Variants in MREG observed in about 807,000 individuals in gnomAD.
MREG encodes the protein melanoregulin, also known as dilute suppressor protein homolog.
MREG carries 31 observed loss-of-function variants against 28.5 expected under a neutral mutation model. That is an observed-to-expected ratio of 1.09 (90% CI 0.82 to 1.47). MREG has a LOEUF of 1.47. Among genes scored for constraint, MREG ranks in the 40% most tolerant of loss-of-function variants. The pLI is 0.00. For synonymous variants in MREG, 106 were observed against 95.2 expected (o/e 1.11, Z -0.66); for missense variants, 256 against 257.4 (o/e 0.99, Z 0.04).
At chr2:216,018,163 A>C (rs1048614717), upstream of MREG, among the ~76,000 whole-genome samples, 1 of 148,018 alleles carries the variant, frequency 6.8e-6, no homozygotes. Flanking sequence ...ACTCCACCTC[A>C]AAAAAAAAAT....
Position 215,944,874 on chromosome 2 carries a change from G to C in MREG, c.634C>G (p.Pro212Ala), listed in dbSNP as rs1206753804. 3 of 1,591,128 alleles carry C rather than the reference G, an allele frequency of 1.9e-6. No individual in the cohort carries two copies. Among genetic ancestry groups the C allele is most frequent in the Non-Finnish European group, 1.7e-6 (2 of 1,161,350 alleles). ...GQKELHYLPF[P>A]SP ...CCTGAGCCTCTCCTTTAGGGACTTG[G>C]AAACGGAAGGTAGTGCAGTTCTTTC... The change falls in exon 5 of 5, where the codon CCA (proline) becomes GCA (alanine). Residue 212 changes from proline to alanine, a missense_variant. Transcript: ENST00000263268.
At chr2:215,954,614 C>G (rs1165182904) in intron 2 of MREG, among the ~76,000 whole-genome samples, 1 of 152,134 alleles carries the variant, frequency 6.6e-6, no homozygotes, top group African/African-American at 2.4e-5. Context: ...ATTCCAAAGC[C>G]CACAGACTCT....
intron 2 of MREG, among the ~76,000 whole-genome samples, chr2:215,987,737 AG>A (rs1693611330): frequency 6.6e-6 from 1 of 152,136 alleles, no homozygotes. Context: ...AAAATTTACC[AG>A]GTAGTTAATT....
intron 4 of MREG, among the ~76,000 whole-genome samples, chr2:215,945,298 G>C (rs1333448382): frequency 6.6e-6 from 1 of 152,094 alleles, no homozygotes; most frequent in Non-Finnish European, 1.5e-5. Context: ...TCAGAAAATA[G>C]ACTACACAGT....
At chr2:215,984,511 T>C (rs1693512678) in intron 2 of MREG, among the ~76,000 whole-genome samples, 1 of 98,400 alleles carries the variant, frequency 1.0e-5, no homozygotes, top group African/African-American at 4.5e-5. Flanking sequence ...GAATAAGACC[T>C]TGTCACCAAA....
chr2:215,966,720 G>A (rs1438714527), intron 2 of MREG, among the ~76,000 whole-genome samples: 2 of 151,070 alleles, frequency 1.3e-5, no homozygotes, highest in Admixed American at 6.6e-5. Context: ...TCCTGCCTCA[G>A]CCTCCCAAGT....
rs555623754 is a variant in MREG at position 215,943,590 on chromosome 2, C to T, written c.*1273G>A. On this transcript the variant is annotated 3_prime_UTR_variant, in exon 5 of 5. Coordinates refer to ENST00000263268, the MANE Select transcript of MREG (RefSeq NM_018000.3). ...GGCGCGGTGACTCACGCCTGTAATC[C>T]CAGCACTTTGGGAGGCTGGGGCAGG... is the stretch of plus-strand genomic sequence containing the variant. 9.7e-5 allele frequency: 42 copies of T among 431,598 alleles called. No individual in the cohort carries two copies. The highest frequency in any genetic ancestry group is 6.7e-4 in the African/African-American group (33 of 49,434). 26.7% of individuals were successfully genotyped at this position (431,598 alleles called of 1,614,324 possible).
intron 1 of MREG, among the ~76,000 whole-genome samples, chr2:216,006,562 G>A (rs1248095164): frequency 6.6e-6 from 1 of 152,202 alleles, no homozygotes; most frequent in Non-Finnish European, 1.5e-5. Context: ...CCACAGATGA[G>A]GTGTGCCAAT....
chr2:216,011,191 C>G lies in MREG; in HGVS notation c.95+2042G>C, dbSNP rs148578367. Among the ~76,000 whole-genome samples the G allele has an allele frequency of 1.2e-4, 18 of 151,484 alleles. 1 individual carries two copies. The East Asian group carries it at 3.3e-3, about 28-fold the overall frequency. Reference sequence around the variant, plus strand: ...ATACTTTAAAAAATTTTTAAATCAACTAAAAAAAAGTTTTCAGAACCAATC... The same window carrying G: ...ATACTTTAAAAAATTTTTAAATCAAGTAAAAAAAAGTTTTCAGAACCAATC... On this transcript the variant is annotated intron_variant, in intron 1 of 4. Transcript: ENST00000263268.
intron 2 of MREG, among the ~76,000 whole-genome samples, chr2:215,949,330 C>T (rs1461440062): frequency 6.7e-6 from 1 of 149,646 alleles, no homozygotes; most frequent in Non-Finnish European, 1.5e-5. Context: ...GAGGCTGAGG[C>T]GGGTGGATCA....
At chr2:215,951,378 GAAAC>G (rs1241796003) in intron 2 of MREG, among the ~76,000 whole-genome samples, 1 of 152,104 alleles carries the variant, frequency 6.6e-6, no homozygotes, top group East Asian at 1.9e-4. Context: ...TTTTAAGCTT[GAAAC>G]AAATAATTTG....
rs577348016 is a variant in MREG, at chr2:215,953,682, T to C, written c.256-6569A>G. 1.8e-4 allele frequency among the ~76,000 whole-genome samples: 28 copies of C among 152,346 alleles called. 1 individual carries two copies. Among genetic ancestry groups the C allele is most frequent in the African/African-American group, 6.7e-4 (28 of 41,582 alleles). ...AAGAATCACAGAGATATAGAGCCTA[T>C]GGATATCCTGAGACTCTGGGTCAAT... is the stretch of plus-strand genomic sequence containing the variant. On this transcript the variant is annotated intron_variant, in intron 2 of 4. Coordinates refer to ENST00000263268, the MANE Select transcript of MREG (RefSeq NM_018000.3).
At chr2:216,009,272 T>C (rs1694236573) in intron 1 of MREG, among the ~76,000 whole-genome samples, 1 of 152,086 alleles carries the variant, frequency 6.6e-6, no homozygotes. Context: ...CCAACATGTA[T>C]GTTAGCACTT....
intron 2 of MREG, among the ~76,000 whole-genome samples, chr2:215,979,990 A>C (rs73991213): frequency 5.8e-5 from 8 of 137,272 alleles, no homozygotes; most frequent in African/African-American, 2.2e-4. Flanking sequence ...AAAAAAAAAA[A>C]CAAAAAAAAC....
chr2:216,025,099 A>C (rs1694576038), intron 1 of MREG, among the ~76,000 whole-genome samples: 1 of 152,210 alleles, frequency 6.6e-6, no homozygotes, highest in Non-Finnish European at 1.5e-5. Flanking sequence ...GACATCCCTG[A>C]AAAGCATGAG....
At chr2:215,996,591 AG>A in intron 1 of MREG, 126 bp from the exon 2 acceptor site, 1 of 688,190 alleles carries the variant, frequency 1.5e-6, no homozygotes, top group Non-Finnish European at 2.3e-6. Context: ...ATTGTCAAAA[AG>A]GTCTGAATTG....
At chr2:215,978,799 C>G (rs1382398201) in intron 2 of MREG, among the ~76,000 whole-genome samples, 1 of 152,176 alleles carries the variant, frequency 6.6e-6, no homozygotes, top group African/African-American at 2.4e-5. Flanking sequence ...ATTATCTCAA[C>G]AGATGCAGAA....
intron 2 of MREG, among the ~76,000 whole-genome samples, chr2:215,990,061 C>T (rs1476536411): frequency 6.6e-6 from 1 of 152,082 alleles, no homozygotes; most frequent in Non-Finnish European, 1.5e-5. Flanking sequence ...CAAAGCTACT[C>T]CTCGAGAAGA....
chr2:216,019,723 T>G (rs564631439), intron 1 of MREG, among the ~76,000 whole-genome samples: 2 of 152,178 alleles, frequency 1.3e-5, no homozygotes, highest in African/African-American at 4.8e-5. Context: ...ACCAGGATGG[T>G]CTCAATCTCC....
Sources: gnomAD v4.1 joint callset for allele counts (sites outside exome capture counted in the v4.1 genomes callset) on GRCh38, gnomAD v4.1.1 for gene constraint, MANE v1.5 for transcripts, NCBI Gene and HGNC (gene_info 2026-07-23, HGNC 2026-07-21) for gene names.